AUH: variants seen among roughly 807,000 people sequenced by gnomAD.
AUH encodes the protein AU RNA binding methylglutaconyl-CoA hydratase.
AUH carries 29 observed loss-of-function variants against 42.3 expected under a neutral mutation model. The observed-to-expected ratio is 0.69, with a 90% CI of 0.51 to 0.93. The LOEUF (loss-of-function observed/expected upper bound fraction) is 0.93, where lower values mean the gene tolerates loss of function less well. AUH is among the 40% of genes least tolerant of loss of function. The probability of loss-of-function intolerance (pLI) is 0.00; values close to 1 mark genes in which losing one functional copy is unlikely to be tolerated. For missense variants in AUH, 452 were observed against 438.1 expected (o/e 1.03, Z -0.28); for synonymous variants, 174 against 166.4 (o/e 1.05, Z -0.35).
At chr9:91,278,411 T>C (rs1419740351) in intron 6 of AUH, among the ~76,000 whole-genome samples, 1 of 152,220 alleles carries the variant, frequency 6.6e-6, no homozygotes, top group Non-Finnish European at 1.5e-5. Flanking sequence ...TCTTGACAGA[T>C]GGTGCTCACT....
At chr9:91,296,932 C>T (rs374066198) in intron 5 of AUH, among the ~76,000 whole-genome samples, 2 of 152,246 alleles carry the variant, frequency 1.3e-5, no homozygotes, top group African/African-American at 4.8e-5. Context: ...CTCAATCAAT[C>T]CTTCTGCCTT....
At chr9:91,282,804 A>T (rs895681460) in intron 6 of AUH, among the ~76,000 whole-genome samples, 2 of 152,222 alleles carry the variant, frequency 1.3e-5, no homozygotes, top group Admixed American at 1.3e-4. Flanking sequence ...AGGCTCTGAA[A>T]TTGAGGCAAT....
chr9:91,246,767 A>AAATG (rs1828818308), intron 6 of AUH, among the ~76,000 whole-genome samples: 2 of 152,280 alleles, frequency 1.3e-5, no homozygotes, highest in Admixed American at 6.5e-5. Context: ...CATAAAGGAT[A>AAATG]AATGACTATT....
At chr9:91,254,851 A>G (rs1395489638) in intron 6 of AUH, among the ~76,000 whole-genome samples, 1 of 152,168 alleles carries the variant, frequency 6.6e-6, no homozygotes, top group Non-Finnish European at 1.5e-5. Context: ...GACCTTGGAA[A>G]AGGTTCTAAG....
At chr9:91,337,500 A>G (rs948701109) in intron 3 of AUH, among the ~76,000 whole-genome samples, 9 of 152,124 alleles carry the variant, frequency 5.9e-5, no homozygotes, top group African/African-American at 2.2e-4. Flanking sequence ...AAGCAATCAA[A>G]TCAAGCTCAA....
intron 6 of AUH, among the ~76,000 whole-genome samples, chr9:91,225,657 C>A (rs945263421): frequency 4.6e-5 from 7 of 150,854 alleles, no homozygotes; most frequent in Non-Finnish European, 8.9e-5. Flanking sequence ...CCCACTAACT[C>A]GTCATCTAGC....
chr9:91,330,432 A>G (rs1344902773), intron 3 of AUH, among the ~76,000 whole-genome samples: 1 of 152,298 alleles, frequency 6.6e-6, no homozygotes, highest in East Asian at 1.9e-4. Context: ...AATTTTTCTG[A>G]AAATTAATAA....
chr9:91,345,790 G>A lies in AUH; in HGVS notation c.418+10093C>T, dbSNP rs373999380. Among the ~76,000 whole-genome samples, 19 of 140,478 alleles carry A rather than the reference G, an allele frequency of 1.4e-4. No homozygotes were observed. The East Asian group carries it at 3.2e-3, about 24-fold the overall frequency. 92.2% of individuals were successfully genotyped at this position (140,478 alleles called of 152,430 possible). A position where few individuals can be genotyped will look rare whatever the true frequency, so the allele number is the denominator to read the frequency against. ...GGAGCTTGCAGTGAGCCAAGATCAC[G>A]CCACTGCACTCCAGCCTGGGTGACA... is the stretch of plus-strand genomic sequence containing the variant. On this transcript the variant is annotated intron_variant, in intron 3 of 9. Transcript: ENST00000375731.
intron 4 of AUH, among the ~76,000 whole-genome samples, chr9:91,311,720 G>A (rs910753470): frequency 2.4e-4 from 37 of 152,242 alleles, no homozygotes; most frequent in African/African-American, 8.4e-4. Flanking sequence ...TGCACAATAT[G>A]GGTCCCAATA....
intron 6 of AUH, among the ~76,000 whole-genome samples, chr9:91,231,773 A>G (rs1447176592): frequency 6.6e-6 from 1 of 152,158 alleles, no homozygotes; most frequent in African/African-American, 2.4e-5. Flanking sequence ...CCTGGTCAGG[A>G]TCTGCTCTGA....
intron 6 of AUH, among the ~76,000 whole-genome samples, chr9:91,287,295 T>C (rs1826493971): frequency 6.6e-6 from 1 of 152,104 alleles, no homozygotes; most frequent in Non-Finnish European, 1.5e-5. Context: ...AATTACAGAC[T>C]GGCACTCTTC....
chr9:91,279,938 A>G (rs1461264676), intron 6 of AUH, among the ~76,000 whole-genome samples: 2 of 152,160 alleles, frequency 1.3e-5, no homozygotes, highest in South Asian at 2.1e-4. Flanking sequence ...GCTTAACTCT[A>G]TTATTCCAAA....
intron 3 of AUH, among the ~76,000 whole-genome samples, chr9:91,333,434 G>A (rs1278602184): frequency 6.6e-6 from 1 of 152,106 alleles, no homozygotes; most frequent in African/African-American, 2.4e-5. Flanking sequence ...CTTCTGGATT[G>A]AATTTTCATT....
intron 6 of AUH, among the ~76,000 whole-genome samples, chr9:91,230,237 T>C (rs1302399707): frequency 1.3e-5 from 2 of 152,202 alleles, no homozygotes; most frequent in Non-Finnish European, 2.9e-5. Flanking sequence ...CCCATATTTC[T>C]TGGAGGCTTT....
chr9:91,338,877 G>A (rs1053068327), intron 3 of AUH, among the ~76,000 whole-genome samples: 1 of 152,186 alleles, frequency 6.6e-6, no homozygotes, highest in Non-Finnish European at 1.5e-5. Context: ...GGTGGGAACT[G>A]GAGGGAAGAG....
intron 6 of AUH, among the ~76,000 whole-genome samples, chr9:91,264,674 T>A (rs1218320249): frequency 6.6e-6 from 1 of 152,178 alleles, no homozygotes; most frequent in Non-Finnish European, 1.5e-5. Flanking sequence ...CCCAGCACTT[T>A]GGGAGCCCAC....
intron 3 of AUH, among the ~76,000 whole-genome samples, chr9:91,336,022 A>T (rs1830660838): frequency 6.6e-6 from 1 of 152,212 alleles, no homozygotes; most frequent in Non-Finnish European, 1.5e-5. Flanking sequence ...GTAGACCAGG[A>T]AAAGTAACCA....
intron 6 of AUH, among the ~76,000 whole-genome samples, chr9:91,235,003 A>AT (rs1470577946): frequency 6.6e-6 from 1 of 151,840 alleles, no homozygotes; most frequent in Non-Finnish European, 1.5e-5. Context: ...GAGGCAGAGT[A>AT]TGGCCCATTG....
intron 6 of AUH, among the ~76,000 whole-genome samples, chr9:91,277,585 CTATGTATG>C (rs555785376): frequency 1.3e-5 from 2 of 151,942 alleles, no homozygotes; most frequent in African/African-American, 4.8e-5. Context: ...GGGAAAAAAT[CTATGTATG>C]TATGTATGTA....
Sources: allele counts gnomAD v4.1 joint callset (sites outside exome capture counted in the v4.1 genomes callset), GRCh38; gene constraint gnomAD v4.1.1; transcripts MANE v1.5; gene names NCBI Gene and HGNC (gene_info 2026-07-23, HGNC 2026-07-21).